SDHB: variants seen among roughly 807,000 people sequenced by gnomAD.
The protein encoded by SDHB is succinate dehydrogenase [ubiquinone] iron-sulfur subunit, mitochondrial.
SDHB carries 21 observed loss-of-function variants against 39.7 expected under a neutral mutation model. That is an observed-to-expected ratio of 0.53 (90% CI 0.37 to 0.76). The LOEUF is 0.76. SDHB is among the 30% of genes least tolerant of loss of function. The pLI, the probability that SDHB is intolerant of heterozygous loss-of-function variation, is 0.00. For missense variants in SDHB, 343 were observed against 350.9 expected, an observed-to-expected ratio of 0.98 and a Z score of 0.18; for synonymous variants, 118 against 117.0, an observed-to-expected ratio of 1.01 and a Z score of -0.06.
intron 4 of SDHB, 125 bp downstream of exon 4, chr1:17,028,475 T>C (rs2078003581): frequency 2.1e-6 from 2 of 956,182 alleles, no homozygotes; most frequent in Non-Finnish European, 3.3e-6. Context: ...ATCTATTTAC[T>C]ATCTGACTAG....
At chr1:17,035,945 A>G (rs866272994) in intron 2 of SDHB, among the ~76,000 whole-genome samples, 1 of 152,172 alleles carries the variant, frequency 6.6e-6, no homozygotes, top group African/African-American at 2.4e-5. Flanking sequence ...TGGGACAGAG[A>G]AAAATATTAA....
chr1:17,019,646 C>A (rs1213368374), intron 7 of SDHB, among the ~76,000 whole-genome samples: 2 of 151,930 alleles, frequency 1.3e-5, no homozygotes, highest in Non-Finnish European at 2.9e-5. Context: ...AGGTTCCCCT[C>A]ATTTTAGAAG....
chr1:17,046,571 TC>T (rs1486874044), intron 1 of SDHB, among the ~76,000 whole-genome samples: 11 of 152,136 alleles, frequency 7.2e-5, no homozygotes, highest in African/African-American at 2.4e-4. Context: ...TCATCACGAG[TC>T]TGCCTTTTAC....
intron 3 of SDHB, among the ~76,000 whole-genome samples, chr1:17,032,089 C>G (rs1054333637): frequency 6.6e-6 from 1 of 152,182 alleles, no homozygotes. Context: ...CTGAGAACCA[C>G]CTGAATCAAC....
rs1553177682 is a variant in SDHB at position 17,027,808 on chromosome 1, C to T, written c.481G>A (p.Asp161Asn). 2.5e-6 allele frequency: 4 copies of T among 1,613,800 alleles called. No homozygotes were observed. The highest frequency in any genetic ancestry group is 3.4e-6 in the Non-Finnish European group (4 of 1,179,760). Residue 161 changes from aspartate (D) to asparagine (N), a missense_variant, in exon 5 of 8, where the codon GAT (aspartate) becomes AAT (asparagine). Physicochemically the swap from Asp to Asn is conservative, Grantham distance 23 (BLOSUM62 1). Transcript: ENST00000375499. Reference protein sequence around the residue: ...KSIEPYLKKKDESQEGKQQYL... With the variant: ...KSIEPYLKKKNESQEGKQQYL... ...TGCTGCTTGCCTTCCTGAGATTCAT[C>T]CTTCTTCTTCAAATAAGGCTCAATG...
intron 1 of SDHB, among the ~76,000 whole-genome samples, chr1:17,052,986 C>T (rs764616598): frequency 3.6e-4 from 55 of 152,076 alleles, no homozygotes; most frequent in Non-Finnish European, 1.6e-4. Flanking sequence ...CTGGGGGCCT[C>T]AAGTTTTCAA....
At chr1:17,052,782 T>C (rs1381879489) in intron 1 of SDHB, among the ~76,000 whole-genome samples, 1 of 152,230 alleles carries the variant, frequency 6.6e-6, no homozygotes, top group African/African-American at 2.4e-5. Flanking sequence ...TACTGTGTTA[T>C]GCAGCCATAG....
chr1:17,018,759 C>T lies in SDHB; in HGVS notation c.*122G>A. The T allele has an allele frequency of 2.8e-6, 2 of 712,810 alleles. No homozygotes were observed. The highest frequency in any genetic ancestry group is 4.9e-6 in the Non-Finnish European group (2 of 407,126). The allele number at this position is 712,810 out of a possible 1,614,324, so 44.2% of individuals were successfully genotyped here. On this transcript the variant is annotated 3_prime_UTR_variant, in exon 8 of 8. Transcript: ENST00000375499. ...TAATAAAGTAGAATAACATTTATTT[C>T]TTAAAATTTTTATTATACATGCTGT...
At chr1:17,053,009 G>T (rs978774381) in intron 1 of SDHB, among the ~76,000 whole-genome samples, 1 of 152,162 alleles carries the variant, frequency 6.6e-6, no homozygotes, top group African/African-American at 2.4e-5. Context: ...CTCCAAAAAG[G>T]AGGGTAAGGA....
chr1:17,018,915 A>ATG lies in SDHB; in HGVS notation c.808_809insCA (p.Met270ThrfsTer22), dbSNP rs1557738269. ...AGCTTTCTTCTCCTTATAGGTTGCC[A>ATG]TCATTTTCTTGATCTCTGCAATAGC... On this transcript the variant is annotated frameshift_variant, in exon 8 of 8. Coordinates refer to ENST00000375499, the MANE Select transcript of SDHB (RefSeq NM_003000.3). LOFTEE classifies it high-confidence loss of function. The ATG allele has an allele frequency of 6.2e-7, 1 of 1,613,444 alleles. No individual in the cohort carries two copies. The highest frequency in any genetic ancestry group is 8.5e-7 in the Non-Finnish European group (1 of 1,179,534).
At chr1:17,033,781 T>C (rs2078035201) in intron 2 of SDHB, among the ~76,000 whole-genome samples, 1 of 152,258 alleles carries the variant, frequency 6.6e-6, no homozygotes, top group Admixed American at 6.5e-5. Flanking sequence ...ATCCACTGAG[T>C]GCAGAGAGCA....
chr1:17,045,660 T>G (rs995232548), intron 1 of SDHB, among the ~76,000 whole-genome samples: 2 of 152,086 alleles, frequency 1.3e-5, no homozygotes, highest in African/African-American at 4.8e-5. Flanking sequence ...CTGCTAATTT[T>G]TAAAATAAAC....
chr1:17,020,727 C>G (rs1019513500), intron 7 of SDHB, among the ~76,000 whole-genome samples: 1 of 152,208 alleles, frequency 6.6e-6, no homozygotes, highest in Non-Finnish European at 1.5e-5. Context: ...CTGTTCCAAG[C>G]ACTTTTATAG....
chr1:17,029,091 C>CTTTTTTT (rs1467687958), intron 3 of SDHB, among the ~76,000 whole-genome samples: 1 of 74,756 alleles, frequency 1.3e-5, no homozygotes, highest in East Asian at 9.6e-4. Context: ...AAAAATCAGC[C>CTTTTTTT]TGTTTTTTTT....
chr1:17,042,101 T>C (rs2078083579), intron 2 of SDHB, among the ~76,000 whole-genome samples: 1 of 151,986 alleles, frequency 6.6e-6, no homozygotes, highest in East Asian at 1.9e-4. Flanking sequence ...TTTATATTTT[T>C]AGTAGAGATG....
intron 2 of SDHB, among the ~76,000 whole-genome samples, chr1:17,035,267 G>T (rs1408495516): frequency 6.6e-6 from 1 of 151,812 alleles, no homozygotes; most frequent in Non-Finnish European, 1.5e-5. Context: ...CCCTTCCTGA[G>T]GTCTGATAAA....
intron 2 of SDHB, among the ~76,000 whole-genome samples, chr1:17,040,641 T>C (rs2078074575): frequency 6.6e-6 from 1 of 152,072 alleles, no homozygotes; most frequent in Admixed American, 6.6e-5. Flanking sequence ...GAAAAAATTT[T>C]TTTAGTAGAG....
intron 7 of SDHB, among the ~76,000 whole-genome samples, 156 bp downstream of exon 7, chr1:17,022,452 T>C (rs954921313): frequency 2.6e-5 from 4 of 152,184 alleles, no homozygotes; most frequent in African/African-American, 9.7e-5. Flanking sequence ...AGAGCCAAAC[T>C]AGCCCCTAGG....
In SDHB at chr1:17,022,671, C is replaced by T. The variant is rs370397369; in HGVS notation, c.702G>A (p.Leu234=). 6.2e-7 allele frequency: 1 copy of T among 1,613,900 alleles called. No individual in the cohort carries two copies. Among genetic ancestry groups the T allele is most frequent in the African/African-American group, 1.3e-5 (1 of 74,908 alleles). The change falls in exon 7 of 8, where the codon CTG becomes CTA. Residue 234 remains leucine (L), a synonymous_variant. Coordinates refer to ENST00000375499, the MANE Select transcript of SDHB (RefSeq NM_003000.3). ...DDFTEERLAK[L]QDPFSLYRCH... is the part of the protein sequence containing the mutation. The stretch of plus-strand genomic sequence containing the variant: ...AGCGGTATAGAGAGAATGGGTCCTG[C>T]AGCTTGGCCAGGCGCTCCTCTGTGA...
Sources: allele counts gnomAD v4.1 joint callset (sites outside exome capture counted in the v4.1 genomes callset), GRCh38; gene constraint gnomAD v4.1.1; transcripts MANE v1.5; gene names NCBI Gene and HGNC (gene_info 2026-07-23, HGNC 2026-07-21).